APPBP2: variants seen among roughly 807,000 people sequenced by gnomAD.
APPBP2 encodes amyloid beta precursor protein binding protein 2.
APPBP2 carries 15 observed loss-of-function variants against 76.0 expected under a neutral mutation model. That is an observed-to-expected ratio of 0.20 (90% CI 0.13 to 0.30). APPBP2 has a LOEUF of 0.30. Among genes scored for constraint, APPBP2 ranks in the 10% least tolerant of loss-of-function variants. APPBP2 has a pLI of 1.00. For synonymous variants in APPBP2, 222 were observed against 242.2 expected (o/e 0.92, Z 0.77); for missense variants, 401 against 687.2 (o/e 0.58, Z 4.66).
chr17:60,488,959 A>T (rs1302425515), intron 3 of APPBP2, among the ~76,000 whole-genome samples: 1 of 152,220 alleles, frequency 6.6e-6, no homozygotes, highest in African/African-American at 2.4e-5. Context: ...ACGGTGGCTC[A>T]TGCCTGTAAT....
In APPBP2 at chr17:60,454,428, T is replaced by C. The variant is rs751538178; in HGVS notation, c.1212A>G (p.Gln404=). Residue 404 remains glutamine (Q), a synonymous_variant, in exon 11 of 13, where the codon CAA becomes CAG. Coordinates refer to ENST00000083182, the MANE Select transcript of APPBP2 (RefSeq NM_006380.5). ...AAGACAGGTGCAAATCATGAGCTTC[T>C]TGAAGCAGCCTCTGTTCAGTTTCCT... The part of the protein sequence containing the change: ...HNKETEQRLL[Q]EAHDLHLSSL... The C allele has an allele frequency of 2.5e-6, 4 of 1,612,130 alleles. No homozygotes were observed. Among genetic ancestry groups the C allele is most frequent in the Admixed American group, 3.3e-5 (2 of 59,720 alleles).
Position 60,444,879 on chromosome 17 carries a change from C to T in APPBP2, c.*2702G>A, listed in dbSNP as rs547203871. On this transcript the variant is annotated 3_prime_UTR_variant, in exon 13 of 13. Transcript: ENST00000083182. ...AGGCCCCTAATTTAACATAACTTTGCTGAACCTCCAGAAAAATCTTTAAGT... is the reference window on the plus strand; with the variant it reads ...AGGCCCCTAATTTAACATAACTTTGTTGAACCTCCAGAAAAATCTTTAAGT... 6.6e-6 allele frequency: 1 copy of T among 152,570 alleles called. No individual in the cohort carries two copies. Among genetic ancestry groups the T allele is most frequent in the East Asian group, 1.9e-4 (1 of 5,182 alleles). 9.5% of individuals were successfully genotyped at this position (152,570 alleles called of 1,614,324 possible).
At chr17:60,468,411 T>G (rs1393624543) in intron 4 of APPBP2, 1 of 152,132 alleles carries the variant, frequency 6.6e-6, no homozygotes, top group East Asian at 1.9e-4. Flanking sequence ...AGGTTGAAAA[T>G]TTAGAGAATA....
At chr17:60,455,633 C>A (rs777150361) in intron 10 of APPBP2, among the ~76,000 whole-genome samples, 6 of 152,172 alleles carry the variant, frequency 3.9e-5, no homozygotes, top group Non-Finnish European at 8.8e-5. Context: ...AAGAATCCTG[C>A]ACTACAAAGC....
In APPBP2 at chr17:60,443,497, A is replaced by T. The variant is rs1428805029; in HGVS notation, c.*4084T>A. The T allele has an allele frequency of 2.0e-5, 3 of 152,802 alleles. No homozygotes were observed. The East Asian group carries it at 5.8e-4, about 29-fold the overall frequency. The allele number at this position is 152,802 out of a possible 1,614,324, so 9.5% of individuals were successfully genotyped here. On this transcript the variant is annotated 3_prime_UTR_variant, in exon 13 of 13. Coordinates refer to ENST00000083182, the MANE Select transcript of APPBP2 (RefSeq NM_006380.5). The stretch of plus-strand genomic sequence containing the variant: ...ACTAAAATCCCCTGTTGCTTAATAA[A>T]GTATAAAAATAGTACTGACCTGGTA...
chr17:60,509,059 C>A (rs2090890947), intron 1 of APPBP2, among the ~76,000 whole-genome samples: 1 of 152,108 alleles, frequency 6.6e-6, no homozygotes. Flanking sequence ...TTACCTGCAT[C>A]CTGATCCAAA....
At chr17:60,521,441 A>C (rs898206713) in intron 1 of APPBP2, among the ~76,000 whole-genome samples, 1 of 152,202 alleles carries the variant, frequency 6.6e-6, no homozygotes, top group Non-Finnish European at 1.5e-5. Flanking sequence ...TCCAGTCCTA[A>C]AAGCTCCATT....
intron 3 of APPBP2, among the ~76,000 whole-genome samples, chr17:60,480,314 A>G (rs1285532154): frequency 1.3e-5 from 2 of 152,124 alleles, no homozygotes. Context: ...CAGAGGCTGC[A>G]GTGAGCGGAG....
At chr17:60,487,893 T>A (rs1330670988) in intron 3 of APPBP2, among the ~76,000 whole-genome samples, 1 of 152,238 alleles carries the variant, frequency 6.6e-6, no homozygotes, top group African/African-American at 2.4e-5. Context: ...GTGGATGTCC[T>A]TTTAGTTTAT....
Position 60,447,682 on chromosome 17 carries a change from C to G in APPBP2, c.1657G>C (p.Val553Leu). The G allele has an allele frequency of 6.2e-7, 1 of 1,614,136 alleles. No homozygotes were observed. Among genetic ancestry groups the G allele is most frequent in the Non-Finnish European group, 8.5e-7 (1 of 1,180,026 alleles). Reference sequence around the variant, plus strand: ...CTGACATCTTCAAGAGCATCTGTCACTGAATATTGCCGATCTCGCAACCGG... The same window carrying G: ...CTGACATCTTCAAGAGCATCTGTCAGTGAATATTGCCGATCTCGCAACCGG... ...WNRLRDRQYS[V>L]TDALEDVSTS... The change falls in exon 13 of 13, where the codon GTG becomes CTG. Residue 553 changes from valine to leucine, a missense_variant. Coordinates refer to ENST00000083182, the MANE Select transcript of APPBP2 (RefSeq NM_006380.5).
At chr17:60,512,886 T>C (rs1003863987) in intron 1 of APPBP2, among the ~76,000 whole-genome samples, 1 of 132,648 alleles carries the variant, frequency 7.5e-6, no homozygotes, top group South Asian at 2.3e-4. Context: ...AAAAAAAGAA[T>C]GCTGAATATC....
chr17:60,519,500 A>AT (rs2090990832), intron 1 of APPBP2, among the ~76,000 whole-genome samples: 3 of 147,908 alleles, frequency 2.0e-5, no homozygotes, highest in African/African-American at 8.0e-5. Flanking sequence ...GAAAGGAGAA[A>AT]ATTTTTTTTT....
chr17:60,498,702 G>T (rs73328477), intron 2 of APPBP2, among the ~76,000 whole-genome samples: 13,675 of 152,080 alleles, frequency 0.09, 2,028 homozygotes, highest in African/African-American at 0.31. Context: ...CTGTATAATT[G>T]TATTTAATAT....
At chr17:60,455,400 C>T (rs953336649) in intron 10 of APPBP2, among the ~76,000 whole-genome samples, 2 of 152,032 alleles carry the variant, frequency 1.3e-5, no homozygotes, top group African/African-American at 4.8e-5. Flanking sequence ...TTAAAAAATA[C>T]AAACCTAGAG....
intron 4 of APPBP2, among the ~76,000 whole-genome samples, chr17:60,476,760 T>C (rs1402827775): frequency 1.3e-5 from 2 of 152,182 alleles, no homozygotes; most frequent in East Asian, 3.8e-4. Flanking sequence ...TTTTAATTTA[T>C]TTTAAAATTT....
At chr17:60,476,753 T>C (rs1176956564) in intron 4 of APPBP2, among the ~76,000 whole-genome samples, 2 of 152,214 alleles carry the variant, frequency 1.3e-5, no homozygotes, top group Non-Finnish European at 2.9e-5. Context: ...CTATTGTTTT[T>C]AATTTATTTT....
At chr17:60,461,972 A>G in intron 7 of APPBP2, 22 bp downstream of exon 7, 1 of 1,608,824 alleles carries the variant, frequency 6.2e-7, no homozygotes, top group Non-Finnish European at 8.5e-7. Context: ...TTAAAAGGAT[A>G]TTTTTAATAA....
chr17:60,497,928 T>C (rs113629018), intron 2 of APPBP2, among the ~76,000 whole-genome samples: 12,461 of 151,738 alleles, frequency 0.082, 1,686 homozygotes, highest in African/African-American at 0.28. Context: ...GGCTTGAGCT[T>C]AGGAGTTTGA....
chr17:60,447,905 G>A (rs924457840), intron 12 of APPBP2, 71 bp from the exon 13 acceptor site: 3 of 1,389,758 alleles, frequency 2.2e-6, no homozygotes, highest in Non-Finnish European at 2.9e-6. Flanking sequence ...TCTATAACAT[G>A]AACACAAGTT....
Sources: gnomAD v4.1 joint callset for allele counts (sites outside exome capture counted in the v4.1 genomes callset) on GRCh38, gnomAD v4.1.1 for gene constraint, MANE v1.5 for transcripts, NCBI Gene and HGNC (gene_info 2026-07-23, HGNC 2026-07-21) for gene names.